The following CAPS2 variants were observed in gnomAD, a reference collection of about 807,000 sequenced individuals.
The protein encoded by CAPS2 is calcyphosine 2.
CAPS2 carries 98 observed loss-of-function variants against 86.5 expected under a neutral mutation model. The ratio of observed to expected loss-of-function variants is 1.13; its 90% CI spans 0.96 to 1.34. The LOEUF is 1.34. Among genes scored for constraint, CAPS2 ranks in the 40% most tolerant of loss-of-function variants. CAPS2 has a pLI of 0.00. For missense variants in CAPS2, 729 were observed against 686.8 expected (o/e 1.06, Z -0.69); for synonymous variants, 210 against 225.1 (o/e 0.93, Z 0.60).
exon 7 of CAPS2, chr12:75,312,856 G>C (rs1432579002): frequency 1.9e-6 from 3 of 1,575,502 alleles, no homozygotes; most frequent in African/African-American, 1.3e-5. Flanking sequence ...ACCTAGATAA[G>C]TGGTCTATCA....
At chr12:75,380,894 G>A (rs1028429422) in intron 1 of CAPS2, among the ~76,000 whole-genome samples, 2 of 152,160 alleles carry the variant, frequency 1.3e-5, no homozygotes, top group Non-Finnish European at 2.9e-5. Flanking sequence ...TTGATGAAAA[G>A]ATTACAGGAA....
chr12:75,384,750 C>A (rs907222313), intron 1 of CAPS2, among the ~76,000 whole-genome samples: 23 of 152,110 alleles, frequency 1.5e-4, no homozygotes, highest in African/African-American at 4.8e-4. Context: ...TGCAAAATTC[C>A]CCAACAAGAT....
At chr12:75,335,683 G>C (rs973655770) in intron 1 of CAPS2, among the ~76,000 whole-genome samples, 1 of 151,998 alleles carries the variant, frequency 6.6e-6, no homozygotes, top group Non-Finnish European at 1.5e-5. Flanking sequence ...AACTGTACTA[G>C]TCTACTGTAT....
At chr12:75,306,235 C>A in intron 7 of CAPS2, 1 of 651,896 alleles carries the variant, frequency 1.5e-6, no homozygotes. Flanking sequence ...AAATTACGAA[C>A]ATGCAAATCA....
intron 1 of CAPS2, among the ~76,000 whole-genome samples, chr12:75,387,843 A>G (rs1368965007): frequency 6.6e-6 from 1 of 152,222 alleles, no homozygotes; most frequent in Non-Finnish European, 1.5e-5. Context: ...AAGTTTCAAC[A>G]TGAATTTTGA....
chr12:75,278,045 C>A, exon 17 of CAPS2: 8 of 884,114 alleles, frequency 9.0e-6, no homozygotes, highest in Non-Finnish European at 1.1e-5. Flanking sequence ...TCCTTGGATT[C>A]ATATATGCAA....
intron 1 of CAPS2, among the ~76,000 whole-genome samples, chr12:75,349,195 G>C (rs2042646750): frequency 6.6e-6 from 1 of 152,162 alleles, no homozygotes; most frequent in South Asian, 2.1e-4. Context: ...CACAGTTCTT[G>C]GCACTCACAC....
At chr12:75,334,877 C>G, upstream of CAPS2, 1 of 1,614,076 alleles carries the variant, frequency 6.2e-7, no homozygotes, top group Non-Finnish European at 8.5e-7. Context: ...AAAGTCAACC[C>G]TCCCGCGGCC....
At chr12:75,347,812 A>AT in intron 1 of CAPS2, 1 of 657,992 alleles carries the variant, frequency 1.5e-6, no homozygotes, top group South Asian at 2.2e-5. Context: ...ACACAAGTGT[A>AT]TTTTTGATAA....
intron 8 of CAPS2, among the ~76,000 whole-genome samples, chr12:75,300,423 G>A (rs1049022993): frequency 3.3e-5 from 5 of 151,856 alleles, no homozygotes; most frequent in African/African-American, 4.8e-5. Flanking sequence ...GGGCGTGGTG[G>A]TGGGCGCCCG....
chr12:75,366,892 G>A (rs1040383103), intron 1 of CAPS2: 32 of 701,550 alleles, frequency 4.6e-5, no homozygotes, highest in African/African-American at 4.4e-4. Context: ...AGGGTTCCCT[G>A]TAGGGCCACT....
chr12:75,282,576 G>A (rs1367429864), intron 15 of CAPS2, among the ~76,000 whole-genome samples: 4 of 152,040 alleles, frequency 2.6e-5, no homozygotes, highest in Admixed American at 1.3e-4. Flanking sequence ...TAGTAGAGGC[G>A]GGGTTTCGCC....
intron 13 of CAPS2, 49 bp from the exon 14 acceptor site, chr12:75,289,824 G>A (rs1448599487): frequency 2.3e-6 from 3 of 1,321,612 alleles, no homozygotes; most frequent in Non-Finnish European, 3.2e-6. Flanking sequence ...ATGCATAAAT[G>A]TATAAAGCCG....
chr12:75,366,946 C>T (rs1223120720), intron 1 of CAPS2: 4 of 701,710 alleles, frequency 5.7e-6, no homozygotes, highest in Non-Finnish European at 7.8e-6. Flanking sequence ...CCACTCAGTC[C>T]CCAGTCACCC....
intron 1 of CAPS2, among the ~76,000 whole-genome samples, chr12:75,381,574 T>A (rs2044980785): frequency 6.6e-6 from 1 of 150,744 alleles, no homozygotes; most frequent in African/African-American, 2.4e-5. Context: ...TTTCTTCCTC[T>A]ATTTTTCTAA....
rs149582662 is a variant in CAPS2 at position 75,314,091 on chromosome 12, T to G, written c.592-1176A>C. 5.0e-3 allele frequency among the ~76,000 whole-genome samples: 765 copies of G among 152,228 alleles called. 6 individuals are homozygous for G. The highest frequency in any genetic ancestry group is 0.015 in the Admixed American group (236 of 15,292). ...TATGCCACCACGGCTGGTTAACTTT[T>G]GTATTTTTAGTAGAGACGGGGTTTT... is the stretch of plus-strand genomic sequence containing the variant. On this transcript the variant is annotated intron_variant, in intron 6 of 16. Transcript: ENST00000393284.
intron 6 of CAPS2, among the ~76,000 whole-genome samples, chr12:75,314,733 A>T (rs2039579776): frequency 6.6e-6 from 1 of 152,190 alleles, no homozygotes; most frequent in South Asian, 2.1e-4. Flanking sequence ...AAACCCAGAC[A>T]GAAACCAAAG....
At chr12:75,290,745 G>A (rs1411269868) in intron 13 of CAPS2, among the ~76,000 whole-genome samples, 1 of 151,652 alleles carries the variant, frequency 6.6e-6, no homozygotes, top group African/African-American at 2.4e-5. Context: ...GCAAGACCCT[G>A]TCTCTACAAA....
chr12:75,289,722 C>G, exon 14 of CAPS2: 1 of 1,612,674 alleles, frequency 6.2e-7, no homozygotes, highest in Non-Finnish European at 8.5e-7. Flanking sequence ...AAATATTTTC[C>G]CAATCCAGTC....
Sources: gnomAD v4.1 joint callset for allele counts (sites outside exome capture counted in the v4.1 genomes callset) on GRCh38, gnomAD v4.1.1 for gene constraint, MANE v1.5 for transcripts, NCBI Gene and HGNC (gene_info 2026-07-23, HGNC 2026-07-21) for gene names.